Variants in MROH7 observed in about 807,000 individuals in gnomAD.
MROH7 encodes maestro heat like repeat family member 7.
A neutral mutation model predicts 129.2 loss-of-function variants in MROH7; 113 were observed. The ratio of observed to expected loss-of-function variants is 0.87; its 90% CI spans 0.75 to 1.02. MROH7 has a LOEUF of 1.02. MROH7 is among the 50% of genes least tolerant of loss of function. The pLI, the probability that MROH7 is intolerant of heterozygous loss-of-function variation, is 0.00. For synonymous variants in MROH7, 655 were observed against 667.9 expected (o/e 0.98, Z 0.30); for missense variants, 1,601 against 1,671.3 (o/e 0.96, Z 0.73).
chr1:54,675,172 C>T (rs558907609), intron 10 of MROH7, among the ~76,000 whole-genome samples: 7 of 152,112 alleles, frequency 4.6e-5, no homozygotes, highest in African/African-American at 1.7e-4. Flanking sequence ...GACGGGATTT[C>T]ACCATGTTGG....
Position 54,673,782 on chromosome 1 carries a change from A to G in MROH7, c.1777A>G (p.Met593Val). 1.9e-6 allele frequency: 3 copies of G among 1,614,028 alleles called. No individual in the cohort carries two copies. Among genetic ancestry groups the G allele is most frequent in the South Asian group, 1.1e-5 (1 of 91,080 alleles). The change falls in exon 9 of 24, where the codon ATG becomes GTG. Residue 593 changes from methionine to valine, a missense_variant. Met to Val is a conservative substitution (Grantham distance 21). Coordinates refer to ENST00000421030, the MANE Select transcript of MROH7 (RefSeq NM_001039464.4). ...VNTNVSVLNH[M>V]LLTLPFFMPL... is the part of the protein sequence containing the mutation. ...CACCAATGTCTCTGTGTTGAACCAC[A>G]TGCTTCTAACTCTGCCTTTCTTTGT...
chr1:54,648,380 T>TTTA (rs1644504237), intron 1 of MROH7, among the ~76,000 whole-genome samples: 2 of 84,108 alleles, frequency 2.4e-5, no homozygotes, highest in African/African-American at 5.2e-5. Context: ...TTATTTATTT[T>TTTA]TTGAGACGGA....
chr1:54,663,583 A>G (rs1250866130), intron 3 of MROH7, among the ~76,000 whole-genome samples: 1 of 151,900 alleles, frequency 6.6e-6, no homozygotes, highest in African/African-American at 2.4e-5. Flanking sequence ...CATGTTGTCC[A>G]GGCTGGTCTC....
chr1:54,649,987 G>A (rs141539919), intron 1 of MROH7, among the ~76,000 whole-genome samples: 91 of 152,338 alleles, frequency 6.0e-4, no homozygotes, highest in African/African-American at 2.1e-3. Context: ...TGCTTGCTTG[G>A]AACTTGCTTC....
intron 15 of MROH7, among the ~76,000 whole-genome samples, chr1:54,691,953 C>T (rs555213989): frequency 1.1e-3 from 164 of 150,326 alleles, no homozygotes; most frequent in African/African-American, 3.8e-3. Flanking sequence ...CCTCCCAGGG[C>T]TTCTTAGGCT....
In MROH7 at chr1:54,702,534, C is replaced by T. The variant is rs112848384; in HGVS notation, c.3442-89C>T. 2.7e-3 allele frequency: 3,408 copies of T among 1,285,880 alleles called. 66 individuals are homozygous for T. The African/African-American group carries it at 0.045, about 17-fold the overall frequency. The allele number at this position is 1,285,880 out of a possible 1,614,324, so 79.7% of individuals were successfully genotyped here. On this transcript the variant is annotated intron_variant, in intron 20 of 23. Coordinates refer to ENST00000421030, the MANE Select transcript of MROH7 (RefSeq NM_001039464.4). ...ATGGTCAGCTTCACTTGTACAATTTCAAATAGAAACTGAGTTTTCAAAATC... is the reference window on the plus strand; with the variant it reads ...ATGGTCAGCTTCACTTGTACAATTTTAAATAGAAACTGAGTTTTCAAAATC...
intron 21 of MROH7, among the ~76,000 whole-genome samples, chr1:54,705,759 C>T (rs1185169419): frequency 2.6e-5 from 4 of 152,160 alleles, no homozygotes; most frequent in Admixed American, 2.6e-4. Context: ...AGACCCAGAA[C>T]ATGATCATGA....
Position 54,670,554 on chromosome 1 carries a change from A to G in MROH7, c.1447A>G (p.Met483Val), listed in dbSNP as rs1477984865. Residue 483 changes from methionine (M) to valine (V), a missense_variant, in exon 6 of 24, where the codon ATG becomes GTG. Coordinates refer to ENST00000421030, the MANE Select transcript of MROH7 (RefSeq NM_001039464.4). ...SLSSSVRKQAMEILTQLSHTQ... is the reference protein window; with the variant it reads ...SLSSSVRKQAVEILTQLSHTQ... ...CTCAAGCTCCGTCCGCAAGCAGGCCATGGAGATCCTGACCCAGCTGAGGTG... is the reference window on the plus strand; with the variant it reads ...CTCAAGCTCCGTCCGCAAGCAGGCCGTGGAGATCCTGACCCAGCTGAGGTG... 1 of 1,613,714 alleles carries G rather than the reference A, an allele frequency of 6.2e-7. No homozygotes were observed. The highest frequency in any genetic ancestry group is 8.5e-7 in the Non-Finnish European group (1 of 1,179,856).
At chr1:54,672,690 GCTC>G (rs960661664) in intron 7 of MROH7, among the ~76,000 whole-genome samples, 4 of 152,142 alleles carry the variant, frequency 2.6e-5, no homozygotes, top group African/African-American at 9.7e-5. Context: ...CCTCTCATTT[GCTC>G]CTCATGACTT....
In MROH7 at chr1:54,665,255, C is replaced by T. The variant is rs1557699913; in HGVS notation, c.1305+15C>T. ...ACATGGCTCTGGTATGCCTCCTGCCCAACCCCTAGCTGACTGTGCTGGGAT... is the reference window on the plus strand; with the variant it reads ...ACATGGCTCTGGTATGCCTCCTGCCTAACCCCTAGCTGACTGTGCTGGGAT... On this transcript the variant is annotated intron_variant, in intron 4 of 23. Coordinates refer to ENST00000421030, the MANE Select transcript of MROH7 (RefSeq NM_001039464.4). 24 of 1,608,302 alleles carry T rather than the reference C, an allele frequency of 1.5e-5. No homozygotes were observed. Among genetic ancestry groups the T allele is most frequent in the Non-Finnish European group, 2.0e-5 (24 of 1,175,330 alleles).
At chr1:54,682,886 T>G in intron 14 of MROH7, 92 bp downstream of exon 14, 598 of 1,289,802 alleles carry the variant, frequency 4.6e-4, no homozygotes, top group Non-Finnish European at 5.8e-4. Flanking sequence ...CGGCCTCGAG[T>G]ACCGCACTCT....
At chr1:54,690,420 GAGTTCAGA>G (rs1442361835) in intron 15 of MROH7, among the ~76,000 whole-genome samples, 2 of 151,732 alleles carry the variant, frequency 1.3e-5, no homozygotes, top group Non-Finnish European at 2.9e-5. Context: ...ATGCAGTTCT[GAGTTCAGA>G]AGTTCAGAAG....
chr1:54,686,280 T>G lies in MROH7; in HGVS notation c.2543T>G (p.Leu848Arg). 1.2e-6 allele frequency: 2 copies of G among 1,613,790 alleles called. No homozygotes were observed. Among genetic ancestry groups the G allele is most frequent in the Non-Finnish European group, 1.7e-6 (2 of 1,179,908 alleles). ...PLAAASGLCE[L>R]LSVNSCMGRV... ...TAGGCAGCCAGCGGCCTGTGCGAGC[T>G]CCTGTCCGTCAACAGCTGCATGGGC... The change falls in exon 15 of 24, where the codon CTC (leucine) becomes CGC (arginine). Residue 848 changes from leucine to arginine, a missense_variant. Transcript: ENST00000421030.
chr1:54,642,550 A>G (rs1258451483), intron 1 of MROH7, among the ~76,000 whole-genome samples: 1 of 152,164 alleles, frequency 6.6e-6, no homozygotes, highest in Non-Finnish European at 1.5e-5. Context: ...TATAGGGAAA[A>G]CTGTGGGTTG....
chr1:54,673,622 G>A (rs1378502537), intron 8 of MROH7, 79 bp from the exon 9 acceptor site: 5 of 1,042,506 alleles, frequency 4.8e-6, no homozygotes, highest in Non-Finnish European at 4.5e-6. Flanking sequence ...CCTGCTGATG[G>A]GTGAAGGCTG....
chr1:54,668,754 C>T (rs1644850730), intron 4 of MROH7, 100 bp from the exon 5 acceptor site: 1 of 783,648 alleles, frequency 1.3e-6, no homozygotes, highest in South Asian at 1.6e-5. Flanking sequence ...GCTGGCTTGC[C>T]TGTAGGTGTC....
intron 5 of MROH7, 78 bp downstream of exon 5, chr1:54,669,015 G>T (rs576092299): frequency 7.6e-6 from 8 of 1,054,310 alleles, no homozygotes; most frequent in Non-Finnish European, 1.2e-5. Flanking sequence ...TGATGAGACC[G>T]CAGGGGTGGG....
chr1:54,654,694 T>C (rs1204937310), intron 3 of MROH7, among the ~76,000 whole-genome samples: 1 of 151,796 alleles, frequency 6.6e-6, no homozygotes, highest in Non-Finnish European at 1.5e-5. Flanking sequence ...AAAAAATCAC[T>C]GTATAATACT....
At chr1:54,648,379 T>TA (rs1644504147) in intron 1 of MROH7, among the ~76,000 whole-genome samples, 4 of 145,936 alleles carry the variant, frequency 2.7e-5, no homozygotes, top group South Asian at 2.2e-4. Flanking sequence ...TTTATTTATT[T>TA]TTTGAGACGG....
Sources: allele counts gnomAD v4.1 joint callset (sites outside exome capture counted in the v4.1 genomes callset), GRCh38; gene constraint gnomAD v4.1.1; transcripts MANE v1.5; gene names NCBI Gene and HGNC (gene_info 2026-07-23, HGNC 2026-07-21).